Variants in PTPRQ observed in about 807,000 individuals in gnomAD.
PTPRQ encodes protein tyrosine phosphatase receptor type Q, also known as phosphatidylinositol phosphatase PTPRQ.
A neutral mutation model predicts 246.0 loss-of-function variants in PTPRQ; 199 were observed. The observed-to-expected ratio is 0.81, with a 90% CI of 0.72 to 0.91. The LOEUF (loss-of-function observed/expected upper bound fraction) is 0.91. PTPRQ is among the 40% of genes least tolerant of loss of function. The probability of loss-of-function intolerance (pLI) is 0.00; values close to 1 mark genes in which losing one functional copy is unlikely to be tolerated. For missense variants in PTPRQ, 2,624 were observed against 2,528.4 expected (o/e 1.04, Z -0.81); for synonymous variants, 869 against 853.2 (o/e 1.02, Z -0.32).
In PTPRQ at chr12:80,581,801, A is replaced by T. The variant is rs140085021; in HGVS notation, c.4286-6328A>T. 1.8e-3 allele frequency among the ~76,000 whole-genome samples: 277 copies of T among 152,344 alleles called. 4 individuals are homozygous for T. The highest frequency in any genetic ancestry group is 6.5e-3 in the African/African-American group (270 of 41,574). On this transcript the variant is annotated intron_variant, in intron 25 of 44. Transcript: ENST00000644991. ...CCATACACCCAATAGAAAAAAAAGT[A>T]GAAAAAATACAAATGATAGTTTATG...
At chr12:80,466,229 C>A (rs1031145482) in intron 6 of PTPRQ, among the ~76,000 whole-genome samples, 3 of 152,078 alleles carry the variant, frequency 2.0e-5, no homozygotes, top group African/African-American at 7.2e-5. Context: ...AACAGAGAGC[C>A]AAATCATGAG....
chr12:80,591,049 T>A (rs1309218982), intron 26 of PTPRQ, among the ~76,000 whole-genome samples: 5 of 152,166 alleles, frequency 3.3e-5, no homozygotes, highest in South Asian at 4.1e-4. Context: ...AATATCATGT[T>A]ATTTTAATGA....
At position 80,588,525 on chromosome 12, in the gene PTPRQ, C is replaced by G. The variant is rs1592690614; in HGVS notation, c.4609+73C>G. 8 of 1,310,278 alleles carry G rather than the reference C, an allele frequency of 6.1e-6. No homozygotes were observed. In the East Asian group the frequency reaches 2.2e-4, roughly 37 times the overall value. The allele number at this position is 1,310,278 out of a possible 1,614,324, so 81.2% of individuals were successfully genotyped here. ...ATCTGTCTATATATTATGCTTTATACTTAATCTAATTGTGTGTAAAATCAC... is the reference window on the plus strand; with the variant it reads ...ATCTGTCTATATATTATGCTTTATAGTTAATCTAATTGTGTGTAAAATCAC... On this transcript the variant is annotated intron_variant, in intron 26 of 44. Coordinates refer to ENST00000644991, the MANE Select transcript of PTPRQ (RefSeq NM_001145026.2).
intron 17 of PTPRQ, among the ~76,000 whole-genome samples, chr12:80,523,324 T>A (rs1385997202): frequency 6.6e-6 from 1 of 152,218 alleles, no homozygotes; most frequent in Non-Finnish European, 1.5e-5. Context: ...GCTCCTGGAT[T>A]CATTGATTTT....
chr12:80,654,156 T>A (rs1465026333), intron 38 of PTPRQ, among the ~76,000 whole-genome samples: 1 of 151,994 alleles, frequency 6.6e-6, no homozygotes, highest in South Asian at 2.1e-4. Flanking sequence ...AGTGCGGTAG[T>A]GCAACCTTGG....
Position 80,620,366 on chromosome 12 carries a change from A to C in PTPRQ, c.5602A>C (p.Lys1868Gln). ...KICNGPLKPKKQYLFKFRATN... is the reference protein window; with the variant it reads ...KICNGPLKPKQQYLFKFRATN... ...TTGCAATGGACCACTGAAACCAAAA[A>C]AGCAATACTTGTAAGTATAGGTTAT... is the stretch of plus-strand genomic sequence containing the variant. Residue 1868 changes from lysine to glutamine, a missense_variant, in exon 32 of 45, where the codon AAG (lysine) becomes CAG (glutamine). Physicochemically the swap from Lys to Gln is moderately conservative, Grantham distance 53. Transcript: ENST00000644991. 1.9e-6 allele frequency: 3 copies of C among 1,548,874 alleles called. No individual in the cohort carries two copies. Among genetic ancestry groups the C allele is most frequent in the Non-Finnish European group, 2.6e-6 (3 of 1,145,134 alleles).
chr12:80,670,523 C>A, intron 42 of PTPRQ, 31 bp downstream of exon 42: 1 of 1,439,284 alleles, frequency 6.9e-7, no homozygotes, highest in Non-Finnish European at 9.2e-7. Flanking sequence ...GGCCTTTGAA[C>A]CCATTGGTCT....
intron 8 of PTPRQ, among the ~76,000 whole-genome samples, chr12:80,477,647 T>C (rs927117044): frequency 3.9e-4 from 60 of 152,188 alleles, no homozygotes; most frequent in African/African-American, 1.4e-3. Flanking sequence ...GGCCAGACAG[T>C]GGGCGCAGGT....
intron 26 of PTPRQ, among the ~76,000 whole-genome samples, chr12:80,596,419 CTG>C (rs1405230402): frequency 1.3e-5 from 2 of 151,514 alleles, no homozygotes; most frequent in African/African-American, 4.9e-5. Context: ...AAGATTATCA[CTG>C]TTTTTTTTTA....
At chr12:80,650,174 A>C (rs1029073474) in intron 37 of PTPRQ, among the ~76,000 whole-genome samples, 1 of 152,008 alleles carries the variant, frequency 6.6e-6, no homozygotes, top group Non-Finnish European at 1.5e-5. Context: ...AGAACTGTCT[A>C]AAAATAAAAA....
intron 25 of PTPRQ, among the ~76,000 whole-genome samples, chr12:80,586,179 A>G (rs1345065936): frequency 2.6e-5 from 4 of 151,976 alleles, no homozygotes; most frequent in Non-Finnish European, 5.9e-5. Flanking sequence ...ATCGTGAATA[A>G]TGCCGCAATA....
intron 28 of PTPRQ, among the ~76,000 whole-genome samples, chr12:80,612,977 G>A (rs1224078717): frequency 6.6e-6 from 1 of 150,472 alleles, no homozygotes; most frequent in Non-Finnish European, 1.5e-5. Context: ...AGCATATACT[G>A]CAAATAAAAG....
intron 27 of PTPRQ, among the ~76,000 whole-genome samples, chr12:80,609,795 C>T (rs954237807): frequency 1.3e-5 from 2 of 150,478 alleles, no homozygotes; most frequent in African/African-American, 4.9e-5. Flanking sequence ...TCAAAGTGTA[C>T]TTCAGAAAGA....
intron 17 of PTPRQ, among the ~76,000 whole-genome samples, chr12:80,513,137 G>C (rs1194941107): frequency 6.6e-6 from 1 of 152,110 alleles, no homozygotes; most frequent in Non-Finnish European, 1.5e-5. Flanking sequence ...CTGCCTTATC[G>C]CAAGGACAGA....
chr12:80,462,016 G>A, intron 6 of PTPRQ: 1 of 700,812 alleles, frequency 1.4e-6, no homozygotes, highest in Non-Finnish European at 2.6e-6. Flanking sequence ...GTGGATGCAG[G>A]TCAGTGCGTG....
chr12:80,644,887 A>G (rs1900013671), intron 35 of PTPRQ, among the ~76,000 whole-genome samples: 1 of 152,082 alleles, frequency 6.6e-6, no homozygotes, highest in East Asian at 1.9e-4. Context: ...AACAATGAGG[A>G]AGGAAATATC....
chr12:80,513,326 A>G (rs1298240140), intron 17 of PTPRQ, among the ~76,000 whole-genome samples: 1 of 152,004 alleles, frequency 6.6e-6, no homozygotes, highest in East Asian at 1.9e-4. Context: ...ACTCTCCTCC[A>G]TCCTCACCCG....
At chr12:80,465,703 A>G (rs1337181793) in intron 6 of PTPRQ, among the ~76,000 whole-genome samples, 1 of 152,062 alleles carries the variant, frequency 6.6e-6, no homozygotes, top group East Asian at 1.9e-4. Flanking sequence ...GGTTCAATAT[A>G]CACAAATCAA....
chr12:80,545,526 T>G (rs2120853911), intron 23 of PTPRQ, among the ~76,000 whole-genome samples: 1 of 152,118 alleles, frequency 6.6e-6, no homozygotes, highest in South Asian at 2.1e-4. Context: ...CTGATTAATC[T>G]TAGCTGCTTT....
Sources: allele counts gnomAD v4.1 joint callset (sites outside exome capture counted in the v4.1 genomes callset), GRCh38; gene constraint gnomAD v4.1.1; transcripts MANE v1.5; gene names NCBI Gene and HGNC (gene_info 2026-07-23, HGNC 2026-07-21).